The following RALYL variants were observed in gnomAD, a reference collection of about 807,000 sequenced individuals.
The protein encoded by RALYL is RALY RNA binding protein like.
In RALYL, 29 loss-of-function variants were observed where a neutral mutation model predicts 35.1. That is an observed-to-expected ratio of 0.83 (90% CI 0.61 to 1.13). The LOEUF is 1.13. Among genes scored for constraint, RALYL ranks in the 50% most tolerant of loss-of-function variants. The probability of loss-of-function intolerance (pLI) is 0.00; values close to 1 mark genes in which losing one functional copy is unlikely to be tolerated. For missense variants in RALYL, 359 were observed against 360.4 expected, an observed-to-expected ratio of 1.00 and a Z score of 0.03; for synonymous variants, 120 against 127.6, an observed-to-expected ratio of 0.94 and a Z score of 0.40.
intron 2 of RALYL, among the ~76,000 whole-genome samples, chr8:84,626,799 A>T (rs1294751762): frequency 6.6e-6 from 1 of 152,132 alleles, no homozygotes; most frequent in Non-Finnish European, 1.5e-5. Context: ...TTTGTGTATG[A>T]TCCTGCCAAG....
At chr8:84,823,092 A>G (rs1412067387) in intron 4 of RALYL, among the ~76,000 whole-genome samples, 1 of 152,186 alleles carries the variant, frequency 6.6e-6, no homozygotes, top group Non-Finnish European at 1.5e-5. Flanking sequence ...TAAAACGTGT[A>G]GCATGTTTAT....
At chr8:84,399,690 C>T (rs775024315) in intron 1 of RALYL, among the ~76,000 whole-genome samples, 2 of 152,118 alleles carry the variant, frequency 1.3e-5, no homozygotes, top group Non-Finnish European at 2.9e-5. Flanking sequence ...ATGCAGAGAA[C>T]AGAATTACAT....
At chr8:84,398,307 C>CTT (rs72306371) in intron 1 of RALYL, among the ~76,000 whole-genome samples, 5 of 148,122 alleles carry the variant, frequency 3.4e-5, no homozygotes, top group African/African-American at 7.4e-5. Flanking sequence ...GGTAAAGTTT[C>CTT]TTTTTTTTTT....
At chr8:84,800,647 A>AG (rs1250737705) in intron 3 of RALYL, among the ~76,000 whole-genome samples, 1 of 67,386 alleles carries the variant, frequency 1.5e-5, no homozygotes, top group Admixed American at 2.0e-4. Context: ...GGAAAGATAA[A>AG]AAAAATTCCT....
At chr8:84,190,490 G>C (rs895689638) in intron 1 of RALYL, among the ~76,000 whole-genome samples, 3 of 152,164 alleles carry the variant, frequency 2.0e-5, no homozygotes, top group African/African-American at 7.2e-5. Flanking sequence ...TGATGAGATG[G>C]ATTTTTAAAG....
intron 1 of RALYL, among the ~76,000 whole-genome samples, chr8:84,217,056 C>A (rs1821003727): frequency 6.6e-6 from 1 of 152,036 alleles, no homozygotes; most frequent in Admixed American, 6.6e-5. Context: ...GGTTATAACC[C>A]TTTTAAATAG....
chr8:84,876,117 T>C (rs1209789988), intron 7 of RALYL, among the ~76,000 whole-genome samples: 2 of 152,108 alleles, frequency 1.3e-5, no homozygotes, highest in Non-Finnish European at 2.9e-5. Flanking sequence ...GTGTGTGTGG[T>C]GTCCTGTCAT....
intron 1 of RALYL, among the ~76,000 whole-genome samples, chr8:84,202,648 A>G (rs1211838137): frequency 1.3e-5 from 2 of 152,164 alleles, no homozygotes; most frequent in African/African-American, 4.8e-5. Flanking sequence ...CTGGGATTAC[A>G]GGCGTGAGCC....
At chr8:84,514,714 G>T (rs1254291683) in intron 1 of RALYL, among the ~76,000 whole-genome samples, 1 of 152,174 alleles carries the variant, frequency 6.6e-6, no homozygotes, top group Admixed American at 6.5e-5. Flanking sequence ...GACACATATA[G>T]CAGCATCAGT....
intron 1 of RALYL, among the ~76,000 whole-genome samples, chr8:84,291,205 G>C (rs1838716249): frequency 6.6e-6 from 1 of 152,172 alleles, no homozygotes; most frequent in South Asian, 2.1e-4. Flanking sequence ...TTTACTGAGT[G>C]ATTTCTAACT....
chr8:84,848,922 C>A (rs1008688222), intron 4 of RALYL, among the ~76,000 whole-genome samples: 1 of 151,992 alleles, frequency 6.6e-6, no homozygotes, highest in Non-Finnish European at 1.5e-5. Context: ...GGGAGTGTTG[C>A]GAGATGTTGT....
rs181923020 is a variant in RALYL, at chr8:84,680,105, G to C, written c.257-94474G>C. Among the ~76,000 whole-genome samples, 608 of 151,984 alleles carry C rather than the reference G, an allele frequency of 4.0e-3. 2 individuals carry two copies. Among genetic ancestry groups the C allele is most frequent in the Admixed American group, 6.8e-3 (104 of 15,228 alleles). Reference sequence around the variant, plus strand: ...TATGAGTGAGAACATGCGGTGTTTGGTTTTTTGTCCTTGCGATAGTTTGCT... The same window carrying C: ...TATGAGTGAGAACATGCGGTGTTTGCTTTTTTGTCCTTGCGATAGTTTGCT... On this transcript the variant is annotated intron_variant, in intron 2 of 8. Coordinates refer to ENST00000521268, the MANE Select transcript of RALYL (RefSeq NM_173848.7).
At chr8:84,795,298 C>A (rs536076799) in intron 3 of RALYL, among the ~76,000 whole-genome samples, 1 of 152,184 alleles carries the variant, frequency 6.6e-6, no homozygotes, top group Non-Finnish European at 1.5e-5. Context: ...TATTAAGACT[C>A]AATGTCTTAA....
In RALYL at chr8:84,282,481, C is replaced by T. The variant is rs149396166; in HGVS notation, c.-24+98057C>T. 2.4e-3 allele frequency among the ~76,000 whole-genome samples: 368 copies of T among 151,934 alleles called. 8 individuals are homozygous for T. The East Asian group carries it at 0.053, about 22-fold the overall frequency. ...TTGTCATTCCTTTCAAAGTGTGAACCTTCTGAACTACTGGGAGTAAAAAGG... is the reference window on the plus strand; with the variant it reads ...TTGTCATTCCTTTCAAAGTGTGAACTTTCTGAACTACTGGGAGTAAAAAGG... On this transcript the variant is annotated intron_variant, in intron 1 of 8. Transcript: ENST00000521268.
chr8:84,614,006 T>C (rs1443848472), intron 2 of RALYL, among the ~76,000 whole-genome samples: 1 of 151,308 alleles, frequency 6.6e-6, no homozygotes, highest in Non-Finnish European at 1.5e-5. Context: ...CAAATTCATC[T>C]CCACAATTTA....
intron 2 of RALYL, among the ~76,000 whole-genome samples, chr8:84,675,744 C>A (rs1381552688): frequency 6.6e-6 from 1 of 152,170 alleles, no homozygotes; most frequent in East Asian, 1.9e-4. Flanking sequence ...TTCTCCTTGG[C>A]GTTTCACCAT....
At chr8:84,793,326 G>C (rs1450233304) in intron 3 of RALYL, among the ~76,000 whole-genome samples, 1 of 152,190 alleles carries the variant, frequency 6.6e-6, no homozygotes, top group East Asian at 1.9e-4. Flanking sequence ...GAGGTAGTTA[G>C]GCTGGGTGGT....
intron 2 of RALYL, among the ~76,000 whole-genome samples, chr8:84,635,287 T>C (rs1193754529): frequency 2.6e-5 from 4 of 151,904 alleles, no homozygotes; most frequent in Admixed American, 2.6e-4. Context: ...CCAATTATCT[T>C]CTGCTTTACA....
At chr8:84,735,841 A>AGAGAGAAC (rs1847201930) in intron 2 of RALYL, among the ~76,000 whole-genome samples, 1 of 150,416 alleles carries the variant, frequency 6.6e-6, no homozygotes, top group African/African-American at 2.5e-5. Context: ...AGAGAGAGAG[A>AGAGAGAAC]GAGAGAGAAC....
Sources: gnomAD v4.1 joint callset for allele counts (sites outside exome capture counted in the v4.1 genomes callset) on GRCh38, gnomAD v4.1.1 for gene constraint, MANE v1.5 for transcripts, NCBI Gene and HGNC (gene_info 2026-07-23, HGNC 2026-07-21) for gene names.